NUP210L: variants seen among roughly 807,000 people sequenced by gnomAD.
NUP210L encodes the protein nucleoporin 210 like.
In NUP210L, 74 loss-of-function variants were observed where a neutral mutation model predicts 208.5. The observed-to-expected ratio is 0.35, with a 90% CI of 0.29 to 0.43. NUP210L has a LOEUF of 0.43. Ranked by LOEUF, NUP210L falls within the 20% of genes least tolerant of loss-of-function variation. The probability of loss-of-function intolerance (pLI) is 1.00; values close to 1 mark genes in which losing one functional copy is unlikely to be tolerated. For synonymous variants in NUP210L, 780 were observed against 816.9 expected (o/e 0.95, Z 0.77); for missense variants, 1,843 against 2,289.4 (o/e 0.81, Z 3.98).
chr1:154,006,836 A>ATG (rs1189814782), intron 35 of NUP210L, among the ~76,000 whole-genome samples: 1 of 137,532 alleles, frequency 7.3e-6, no homozygotes, highest in Non-Finnish European at 1.5e-5. Context: ...ATATATATAT[A>ATG]TATATGTATA....
At chr1:154,031,854 A>G (rs1358855815) in intron 27 of NUP210L, among the ~76,000 whole-genome samples, 2 of 151,840 alleles carry the variant, frequency 1.3e-5, no homozygotes, top group Non-Finnish European at 2.9e-5. Context: ...CTCAAGTAGC[A>G]GGGACTACAG....
At chr1:154,070,524 G>A (rs1654657510) in intron 16 of NUP210L, 59 bp from the exon 17 acceptor site, 3 of 1,117,434 alleles carry the variant, frequency 2.7e-6, no homozygotes, top group Non-Finnish European at 3.6e-6. Context: ...CTAAGGGGTA[G>A]TAAGATATCT....
chr1:154,085,726 A>G (rs867242277), intron 16 of NUP210L, among the ~76,000 whole-genome samples: 1 of 152,190 alleles, frequency 6.6e-6, no homozygotes, highest in Non-Finnish European at 1.5e-5. Context: ...AAAACTTACT[A>G]CAAAACTACA....
At chr1:154,132,020 G>A (rs1319567107) in intron 7 of NUP210L, among the ~76,000 whole-genome samples, 2 of 152,124 alleles carry the variant, frequency 1.3e-5, no homozygotes. Context: ...ATGTTGACCA[G>A]GCTGGTCTCA....
intron 30 of NUP210L, among the ~76,000 whole-genome samples, chr1:154,024,934 T>G (rs555691621): frequency 0.25 from 33,596 of 135,316 alleles, 4,546 homozygotes; most frequent in Admixed American, 0.35. Context: ...TTTTTTTTTT[T>G]TTTTTTTTTT....
rs1046961109 is a variant in NUP210L, at chr1:154,068,898, C to T, written c.2554+1375G>A. Among the ~76,000 whole-genome samples, 155 of 151,956 alleles carry T rather than the reference C, an allele frequency of 1.0e-3. 1 individual carries two copies. Among genetic ancestry groups the T allele is most frequent in the Non-Finnish European group, 2.5e-4 (17 of 68,000 alleles). On this transcript the variant is annotated intron_variant, in intron 17 of 39. Coordinates refer to ENST00000368559, the Ensembl canonical transcript of NUP210L. ...CCAAATGACGAGTTAATGGGTGCAG[C>T]GCACCAGCATGGCACATGTATACAT...
intron 33 of NUP210L, among the ~76,000 whole-genome samples, chr1:154,013,231 G>C (rs1034359052): frequency 6.6e-6 from 1 of 151,982 alleles, no homozygotes; most frequent in Non-Finnish European, 1.5e-5. Context: ...GAAGTCTTGG[G>C]TCCAATTATT....
At chr1:154,068,695 AATC>A (rs1436029680) in intron 17 of NUP210L, among the ~76,000 whole-genome samples, 1 of 152,100 alleles carries the variant, frequency 6.6e-6, no homozygotes, top group Non-Finnish European at 1.5e-5. Flanking sequence ...TGAAATTGGA[AATC>A]ATCATTCTCA....
intron 16 of NUP210L, among the ~76,000 whole-genome samples, chr1:154,071,150 A>G (rs1654702384): frequency 6.6e-6 from 1 of 150,464 alleles, no homozygotes. Flanking sequence ...GGGCTGGAGT[A>G]TAGCAGTGTG....
At chr1:154,040,744 T>G (rs2841108) in intron 27 of NUP210L, among the ~76,000 whole-genome samples, 90,488 of 151,672 alleles carry the variant, frequency 0.6, 28,193 homozygotes, top group East Asian at 0.95. Context: ...CCGCCACCAT[T>G]CCCGGCTAAA....
chr1:154,104,256 AG>A, intron 12 of NUP210L, 46 bp from the exon 13 acceptor site: 3 of 1,547,350 alleles, frequency 1.9e-6, no homozygotes, highest in Non-Finnish European at 2.7e-6. Context: ...GTTAAAAAAA[AG>A]TCTTAGGAGG....
At chr1:153,999,802 C>G (rs1269700169) in intron 37 of NUP210L, among the ~76,000 whole-genome samples, 2 of 148,120 alleles carry the variant, frequency 1.4e-5, no homozygotes, top group Non-Finnish European at 3.0e-5. Context: ...CTGGCAAACT[C>G]GTGTTAAACT....
chr1:154,112,909 C>T (rs1258013549), intron 12 of NUP210L, among the ~76,000 whole-genome samples: 2 of 149,876 alleles, frequency 1.3e-5, no homozygotes, highest in African/African-American at 2.5e-5. Flanking sequence ...ATAATCCTAG[C>T]GCTTTGGGAG....
chr1:154,130,051 A>AT (rs1658165034), intron 7 of NUP210L, among the ~76,000 whole-genome samples: 1 of 152,122 alleles, frequency 6.6e-6, no homozygotes, highest in Admixed American at 6.6e-5. Context: ...TGAGAAACAC[A>AT]TAACTGGCCA....
intron 33 of NUP210L, among the ~76,000 whole-genome samples, chr1:154,016,130 A>C (rs1259485039): frequency 6.6e-6 from 1 of 151,316 alleles, no homozygotes. Context: ...GCTGGCACAC[A>C]CTTGTGGTCC....
At chr1:154,145,144 G>A (rs182769976) in intron 2 of NUP210L, among the ~76,000 whole-genome samples, 15 of 151,926 alleles carry the variant, frequency 9.9e-5, no homozygotes, top group South Asian at 2.1e-4. Flanking sequence ...TTGGCTGGGC[G>A]TGATGGCTCA....
chr1:154,139,799 T>TA lies in NUP210L; in HGVS notation c.717+2dup. 5.0e-6 allele frequency: 8 copies of TA among 1,611,234 alleles called. No individual in the cohort carries two copies. Among genetic ancestry groups the TA allele is most frequent in the Non-Finnish European group, 6.8e-6 (8 of 1,178,924 alleles). Reference sequence around the variant, plus strand: ...GAAAATTTATAGCACACAAACTTTTTACCTTATAGAATGGTTCATGAATTC... The same window carrying TA: ...GAAAATTTATAGCACACAAACTTTTTAACCTTATAGAATGGTTCATGAATTC... On this transcript the variant is annotated splice_region_variant and intron_variant, in intron 5 of 39. Transcript: ENST00000368559.
Position 154,033,763 on chromosome 1 carries a change from TA to T in NUP210L, c.3697-3710del, listed in dbSNP as rs1196145426. ...TGTGGTTCCATATAACTTTTACAAT[TA>T]TTTTTTCTATTTCTGTGAAGAATGT... On this transcript the variant is annotated intron_variant, in intron 27 of 39. Transcript: ENST00000368559. Among the ~76,000 whole-genome samples, 5 of 152,160 alleles carry T rather than the reference TA, an allele frequency of 3.3e-5. No individual in the cohort carries two copies. The East Asian group carries it at 9.6e-4, about 29-fold the overall frequency.
chr1:154,076,422 T>C (rs1655047343), intron 16 of NUP210L, among the ~76,000 whole-genome samples: 1 of 151,986 alleles, frequency 6.6e-6, no homozygotes, highest in Non-Finnish European at 1.5e-5. Flanking sequence ...TTAACTTTAA[T>C]GTCCAAAGAA....
Sources: gnomAD v4.1 joint callset for allele counts (sites outside exome capture counted in the v4.1 genomes callset) on GRCh38, gnomAD v4.1.1 for gene constraint, MANE v1.5 for transcripts, NCBI Gene and HGNC (gene_info 2026-07-23, HGNC 2026-07-21) for gene names.